Variants in AMPH observed in about 807,000 individuals in gnomAD.
AMPH encodes the protein amphiphysin, also known as amphiphysin (Stiff-Mann syndrome with breast cancer 128kD autoantigen).
AMPH carries 49 observed loss-of-function variants against 99.1 expected under a neutral mutation model. That is an observed-to-expected ratio of 0.49 (90% CI 0.39 to 0.63). The LOEUF (loss-of-function observed/expected upper bound fraction) is 0.63, where lower values mean the gene tolerates loss of function less well. AMPH is among the 20% of genes least tolerant of loss of function. AMPH has a pLI of 0.00. For missense variants in AMPH, 759 were observed against 863.4 expected (o/e 0.88, Z 1.52); for synonymous variants, 314 against 317.3 (o/e 0.99, Z 0.11).
intron 11 of AMPH, among the ~76,000 whole-genome samples, chr7:38,440,849 T>C (rs1786478666): frequency 6.6e-6 from 1 of 151,192 alleles, no homozygotes; most frequent in African/African-American, 2.4e-5. Context: ...AAAGCAGAAA[T>C]GGAAGGGTTA....
At chr7:38,570,460 T>C (rs1791902185) in intron 1 of AMPH, among the ~76,000 whole-genome samples, 2 of 152,086 alleles carry the variant, frequency 1.3e-5, no homozygotes, top group Non-Finnish European at 2.9e-5. Context: ...TCCCATAAGA[T>C]TGTAGTGGAG....
At chr7:38,623,467 T>C (rs1050115304) in intron 1 of AMPH, among the ~76,000 whole-genome samples, 9 of 152,182 alleles carry the variant, frequency 5.9e-5, no homozygotes, top group African/African-American at 2.2e-4. Context: ...GTCCCATAAT[T>C]ATTATTTTTA....
chr7:38,384,446 A>C lies in AMPH; in HGVS notation c.*372T>G. 5.4e-6 allele frequency: 1 copy of C among 185,734 alleles called. No homozygotes were observed. The allele number at this position is 185,734 out of a possible 1,614,324, so 11.5% of individuals were successfully genotyped here. ...GAATAAGATAATCTTGTACTACAGG[A>C]TAATTCATCACATCTTCTGCAGGGC... On this transcript the variant is annotated 3_prime_UTR_variant, in exon 21 of 21. Coordinates refer to ENST00000356264, the MANE Select transcript of AMPH (RefSeq NM_001635.4).
chr7:38,475,445 A>G, intron 6 of AMPH, 29 bp from the exon 7 acceptor site: 2 of 1,443,602 alleles, frequency 1.4e-6, no homozygotes, highest in Non-Finnish European at 9.7e-7. Flanking sequence ...ATGTGTTTAC[A>G]CTAAGAAAGA....
intron 1 of AMPH, among the ~76,000 whole-genome samples, chr7:38,558,499 G>A (rs1197969512): frequency 3.3e-5 from 5 of 152,146 alleles, no homozygotes; most frequent in Admixed American, 6.6e-5. Context: ...AATGCCAAAC[G>A]TTAAATCTGA....
rs184949845 is a variant in AMPH at position 38,626,865 on chromosome 7, T to A, written c.69+4418A>T. On this transcript the variant is annotated intron_variant, in intron 1 of 20. Transcript: ENST00000356264. The stretch of plus-strand genomic sequence containing the variant: ...ACCCCATCAAAAAGTAGGCGAAGGA[T>A]ATACAGTTTTTCATGATAAGCTTTT... Among the ~76,000 whole-genome samples the A allele has an allele frequency of 1.2e-3, 187 of 150,664 alleles. 2 individuals are homozygous for A. The highest frequency in any genetic ancestry group is 1.1e-3 in the Non-Finnish European group (75 of 67,610).
Position 38,551,501 on chromosome 7 carries a change from G to A in AMPH, c.70-16490C>T, listed in dbSNP as rs993346833. Among the ~76,000 whole-genome samples, 2 of 152,082 alleles carry A rather than the reference G, an allele frequency of 1.3e-5. 1 individual carries two copies. The highest frequency in any genetic ancestry group is 4.2e-4 in the South Asian group (2 of 4,804). On this transcript the variant is annotated intron_variant, in intron 1 of 20. Transcript: ENST00000356264. ...CCTTTCCCTCCTCACCTCCTATTAGGAGTCCCCAGACTTTGTTAGCATACA... is the reference window on the plus strand; with the variant it reads ...CCTTTCCCTCCTCACCTCCTATTAGAAGTCCCCAGACTTTGTTAGCATACA...
intron 1 of AMPH, among the ~76,000 whole-genome samples, chr7:38,568,851 C>G (rs1039012812): frequency 3.3e-5 from 5 of 152,132 alleles, no homozygotes; most frequent in East Asian, 1.9e-4. Context: ...AGAGCTGAAC[C>G]CTGACACTGG....
At chr7:38,607,660 TA>T (rs1465992810) in intron 1 of AMPH, among the ~76,000 whole-genome samples, 1 of 152,128 alleles carries the variant, frequency 6.6e-6, no homozygotes, top group Non-Finnish European at 1.5e-5. Flanking sequence ...TAATATCTGC[TA>T]AGTCATCGAT....
intron 17 of AMPH, among the ~76,000 whole-genome samples, chr7:38,403,230 G>C (rs543621568): frequency 6.6e-6 from 1 of 152,312 alleles, no homozygotes; most frequent in East Asian, 1.9e-4. Context: ...GGAAAGCTAC[G>C]AGAGTCTGGC....
At chr7:38,583,374 G>A (rs945854732) in intron 1 of AMPH, among the ~76,000 whole-genome samples, 6 of 151,188 alleles carry the variant, frequency 4.0e-5, no homozygotes, top group East Asian at 1.9e-4. Context: ...AAAGCCTAGC[G>A]AAAAGTAGCT....
chr7:38,417,967 T>C lies in AMPH; in HGVS notation c.1273-17A>G. 6.2e-7 allele frequency: 1 copy of C among 1,611,326 alleles called. No individual in the cohort carries two copies. Among genetic ancestry groups the C allele is most frequent in the Non-Finnish European group, 8.5e-7 (1 of 1,178,744 alleles). On this transcript the variant is annotated splice_polypyrimidine_tract_variant and intron_variant, in intron 16 of 20. Transcript: ENST00000356264. Reference sequence around the variant, plus strand: ...AGATTCAGCCTTGGAGTGTTTGTTTTGAGGGTTAGAGGAAAAAGATTCAAC... The same window carrying C: ...AGATTCAGCCTTGGAGTGTTTGTTTCGAGGGTTAGAGGAAAAAGATTCAAC...
intron 17 of AMPH, among the ~76,000 whole-genome samples, chr7:38,411,958 A>C (rs1785229315): frequency 6.6e-6 from 1 of 152,222 alleles, no homozygotes; most frequent in South Asian, 2.1e-4. Context: ...GTATGTGACA[A>C]AAAGTATACA....
At chr7:38,473,038 T>G (rs189156230) in intron 7 of AMPH, among the ~76,000 whole-genome samples, 8 of 152,284 alleles carry the variant, frequency 5.3e-5, no homozygotes, top group African/African-American at 1.4e-4. Flanking sequence ...CAATACATAT[T>G]AAGGCAAATA....
chr7:38,576,636 G>A (rs887871557), intron 1 of AMPH, among the ~76,000 whole-genome samples: 1 of 152,132 alleles, frequency 6.6e-6, no homozygotes, highest in Non-Finnish European at 1.5e-5. Context: ...AAAGGCAAAA[G>A]AATAGGGCAT....
At chr7:38,407,701 T>C (rs1043831293) in intron 17 of AMPH, among the ~76,000 whole-genome samples, 2 of 152,060 alleles carry the variant, frequency 1.3e-5, no homozygotes, top group Admixed American at 1.3e-4. Flanking sequence ...AATAAAGACA[T>C]ATATATTTTA....
intron 1 of AMPH, among the ~76,000 whole-genome samples, chr7:38,556,784 C>T (rs894308858): frequency 2.6e-5 from 4 of 152,072 alleles, no homozygotes; most frequent in Admixed American, 2.0e-4. Flanking sequence ...TCTGGTATAC[C>T]GCTATCCCCA....
chr7:38,620,927 A>C (rs943904057), intron 1 of AMPH, among the ~76,000 whole-genome samples: 1 of 152,282 alleles, frequency 6.6e-6, no homozygotes, highest in East Asian at 1.9e-4. Flanking sequence ...TGATCACACA[A>C]ACGAGGGACT....
chr7:38,499,290 T>C lies in AMPH; in HGVS notation c.205+4360A>G, dbSNP rs75468575. 4.1e-3 allele frequency among the ~76,000 whole-genome samples: 617 copies of C among 152,284 alleles called. 6 individuals carry two copies. The highest frequency in any genetic ancestry group is 0.014 in the African/African-American group (597 of 41,542). On this transcript the variant is annotated intron_variant, in intron 3 of 20. Transcript: ENST00000356264. ...CCTAGAACAGTGTCAGGTGCACAAA[T>C]GGAGCTCCAGAGATGTTTGCTGCTA...
Sources: allele counts gnomAD v4.1 joint callset (sites outside exome capture counted in the v4.1 genomes callset), GRCh38; gene constraint gnomAD v4.1.1; transcripts MANE v1.5; gene names NCBI Gene and HGNC (gene_info 2026-07-23, HGNC 2026-07-21).